SSBP3: variants seen among roughly 807,000 people sequenced by gnomAD.
SSBP3 encodes single-stranded DNA-binding protein 3.
In SSBP3, 5 loss-of-function variants were observed where a neutral mutation model predicts 69.6. The ratio of observed to expected loss-of-function variants is 0.07; its 90% CI spans 0.04 to 0.15. The LOEUF (loss-of-function observed/expected upper bound fraction) is 0.15. Among genes scored for constraint, SSBP3 ranks in the 10% least tolerant of loss-of-function variants. SSBP3 has a pLI of 1.00. For missense variants in SSBP3, 312 were observed against 534.0 expected, an observed-to-expected ratio of 0.58 and a Z score of 4.10; for synonymous variants, 196 against 193.4, an observed-to-expected ratio of 1.01 and a Z score of -0.11.
intron 4 of SSBP3, among the ~76,000 whole-genome samples, chr1:54,298,212 A>G (rs531683794): frequency 6.6e-6 from 1 of 152,270 alleles, no homozygotes; most frequent in East Asian, 1.9e-4. Context: ...GAATTGAATC[A>G]CAGAAGAGCG....
At chr1:54,228,681 C>T in intron 15 of SSBP3, 67 bp downstream of exon 15, 1 of 1,530,032 alleles carries the variant, frequency 6.5e-7, no homozygotes, top group Non-Finnish European at 8.8e-7. Context: ...CCAGCTGAGC[C>T]AGGAGCTGAG....
intron 4 of SSBP3, among the ~76,000 whole-genome samples, chr1:54,338,524 A>G (rs1646550311): frequency 6.6e-6 from 1 of 152,140 alleles, no homozygotes; most frequent in Non-Finnish European, 1.5e-5. Flanking sequence ...TTCTGAAGAG[A>G]ATGGAAAATC....
intron 4 of SSBP3, chr1:54,286,808 G>C (rs1236056347): frequency 6.6e-6 from 1 of 152,258 alleles, no homozygotes; most frequent in African/African-American, 2.4e-5. Flanking sequence ...TTTCTGCTCT[G>C]GGCAATGGCG....
intron 4 of SSBP3, among the ~76,000 whole-genome samples, chr1:54,397,121 G>A (rs561801796): frequency 6.6e-6 from 1 of 152,376 alleles, no homozygotes; most frequent in African/African-American, 2.4e-5. Flanking sequence ...AGGGTGCCAA[G>A]GGTCAGAGCC....
At chr1:54,285,487 G>C (rs1645472120) in intron 4 of SSBP3, 1 of 151,892 alleles carries the variant, frequency 6.6e-6, no homozygotes, top group African/African-American at 2.4e-5. Flanking sequence ...ATACGGGTAA[G>C]TTATACTTTT....
chr1:54,237,918 A>G (rs1289667323), intron 14 of SSBP3: 1 of 354,910 alleles, frequency 2.8e-6, no homozygotes, highest in African/African-American at 2.1e-5. Context: ...ACATGGCGAC[A>G]GTGACCACTC....
chr1:54,342,704 C>A (rs368263174), intron 4 of SSBP3, among the ~76,000 whole-genome samples: 21 of 152,360 alleles, frequency 1.4e-4, no homozygotes, highest in African/African-American at 5.1e-4. Context: ...AAGAAAGAAG[C>A]TAACCTCCCT....
chr1:54,289,020 CAAA>C (rs777871964), intron 4 of SSBP3, among the ~76,000 whole-genome samples: 3 of 43,918 alleles, frequency 6.8e-5, no homozygotes, highest in Non-Finnish European at 9.5e-5. Context: ...ACTCTGTCTC[CAAA>C]AAAAAAAAAA....
At chr1:54,253,904 A>C (rs556853446) in intron 7 of SSBP3, among the ~76,000 whole-genome samples, 1 of 152,106 alleles carries the variant, frequency 6.6e-6, no homozygotes, top group African/African-American at 2.4e-5. Context: ...GATTCCTCTA[A>C]CCCTCCTATG....
intron 4 of SSBP3, among the ~76,000 whole-genome samples, chr1:54,350,696 C>A (rs185753603): frequency 2.8e-4 from 42 of 152,328 alleles, no homozygotes; most frequent in Non-Finnish European, 5.1e-4. Context: ...GGAAGCTGAG[C>A]TGAATAAACC....
exon 9 of SSBP3, chr1:54,251,651 G>C: frequency 6.4e-7 from 1 of 1,552,646 alleles, no homozygotes; most frequent in Non-Finnish European, 8.7e-7. Context: ...ATGCCTCGGG[G>C]AGGGTTCATT....
chr1:54,319,680 C>G (rs866788869), intron 4 of SSBP3, among the ~76,000 whole-genome samples: 1 of 151,682 alleles, frequency 6.6e-6, no homozygotes, highest in African/African-American at 2.4e-5. Flanking sequence ...CAGGCTGGCG[C>G]GAGCCTTCCA....
intron 4 of SSBP3, among the ~76,000 whole-genome samples, chr1:54,364,637 G>A (rs1057474756): frequency 6.6e-6 from 1 of 152,196 alleles, no homozygotes; most frequent in African/African-American, 2.4e-5. Flanking sequence ...AGGGGAAGAA[G>A]AGCACATGGG....
intron 4 of SSBP3, among the ~76,000 whole-genome samples, chr1:54,348,633 G>T (rs1229566776): frequency 1.3e-5 from 2 of 152,234 alleles, no homozygotes; most frequent in Non-Finnish European, 2.9e-5. Context: ...GAAGGCCAAG[G>T]AGATGGCTGG....
chr1:54,293,200 G>A, intron 4 of SSBP3, among the ~76,000 whole-genome samples: 1 of 152,072 alleles, frequency 6.6e-6, no homozygotes, highest in South Asian at 2.1e-4. Context: ...CACACAGCAG[G>A]GCTTTCTTGT....
intron 4 of SSBP3, among the ~76,000 whole-genome samples, chr1:54,385,634 G>A (rs927701663): frequency 2.6e-5 from 4 of 151,986 alleles, no homozygotes; most frequent in African/African-American, 7.3e-5. Context: ...TTACTTATTC[G>A]TGCTTCTAAA....
chr1:54,331,713 G>C (rs1466559583), intron 4 of SSBP3, among the ~76,000 whole-genome samples: 1 of 152,204 alleles, frequency 6.6e-6, no homozygotes, highest in Non-Finnish European at 1.5e-5. Context: ...ACCCTGGATG[G>C]TCACCAAAAA....
intron 4 of SSBP3, among the ~76,000 whole-genome samples, chr1:54,346,770 G>C (rs1646697334): frequency 6.6e-6 from 1 of 150,912 alleles, no homozygotes. Context: ...AGCCGAGATT[G>C]CACCACTGCA....
chr1:54,326,020 G>A (rs1428835739), intron 4 of SSBP3, among the ~76,000 whole-genome samples: 1 of 151,034 alleles, frequency 6.6e-6, no homozygotes, highest in Non-Finnish European at 1.5e-5. Flanking sequence ...ACCGGCCAGA[G>A]GCAGGCACAG....
Sources: gnomAD v4.1 joint callset for allele counts (sites outside exome capture counted in the v4.1 genomes callset) on GRCh38, gnomAD v4.1.1 for gene constraint, MANE v1.5 for transcripts, NCBI Gene and HGNC (gene_info 2026-07-23, HGNC 2026-07-21) for gene names.